The following KASH5 variants were observed in gnomAD, a reference collection of about 807,000 sequenced individuals.
The protein encoded by KASH5 is KASH domain containing 5, also known as protein KASH5.
Under a neutral mutation model 84.2 loss-of-function variants are expected in KASH5, and 72 were observed. The observed-to-expected ratio is 0.85, with a 90% CI of 0.71 to 1.04. KASH5 has a LOEUF of 1.04. KASH5 is among the 50% of genes least tolerant of loss of function. The pLI is 0.00. For missense variants in KASH5, 650 were observed against 701.0 expected, an observed-to-expected ratio of 0.93 and a Z score of 0.82; for synonymous variants, 260 against 279.1, an observed-to-expected ratio of 0.93 and a Z score of 0.68.
At chr19:49,392,228 A>G (rs1974025305) in intron 2 of KASH5, among the ~76,000 whole-genome samples, 1 of 152,152 alleles carries the variant, frequency 6.6e-6, no homozygotes, top group Non-Finnish European at 1.5e-5. Context: ...TAGGGAATGG[A>G]GAGTCTCTGA....
intron 9 of KASH5, among the ~76,000 whole-genome samples, chr19:49,402,557 A>C (rs1974395194): frequency 6.6e-6 from 1 of 151,900 alleles, no homozygotes; most frequent in Admixed American, 6.6e-5. Context: ...AAATATAAAA[A>C]TTAGCCAGGC....
In KASH5 at chr19:49,412,018, G is replaced by A. The variant is rs371596416; in HGVS notation, c.1270-950G>A. ...GAGGCACTAGCACAGCCTGTGCAAG[G>A]CCTTGGCATAAAATCACGATATGCT... On this transcript the variant is annotated intron_variant, in intron 15 of 19. Coordinates refer to ENST00000447857, the MANE Select transcript of KASH5 (RefSeq NM_144688.5). The surrounding 1 kb of genome is among the most constrained non-coding windows in gnomAD (Gnocchi z 4.6). 5.3e-5 allele frequency among the ~76,000 whole-genome samples: 8 copies of A among 152,212 alleles called. No homozygotes were observed. Among genetic ancestry groups the A allele is most frequent in the South Asian group, 2.1e-4 (1 of 4,820 alleles).
At position 49,409,886 on chromosome 19, in the gene KASH5, G is replaced by A; in HGVS notation, c.1269+11G>A. The A allele has an allele frequency of 6.2e-7, 1 of 1,612,614 alleles. No individual in the cohort carries two copies. The highest frequency in any genetic ancestry group is 1.1e-5 in the South Asian group (1 of 90,984). ...CCAGCTGGGGGACAGGTGAGCACAGGAAAAGCTCTGAAGTCCAGGAGCTGG... is the reference window on the plus strand; with the variant it reads ...CCAGCTGGGGGACAGGTGAGCACAGAAAAAGCTCTGAAGTCCAGGAGCTGG... On this transcript the variant is annotated intron_variant, in intron 15 of 19. Coordinates refer to ENST00000447857, the MANE Select transcript of KASH5 (RefSeq NM_144688.5).
At chr19:49,406,834 T>TTTGACATTAC in intron 9 of KASH5, 52 bp from the exon 10 acceptor site, 1 of 1,510,278 alleles carries the variant, frequency 6.6e-7, no homozygotes, top group Non-Finnish European at 9.1e-7. Context: ...TGCTGTTAAT[T>TTTGACATTAC]TTGACATTAC....
chr19:49,409,010 A>G lies in KASH5; in HGVS notation c.1037A>G (p.Gln346Arg). Residue 346 changes from glutamine to arginine, a missense_variant, in exon 13 of 20, where the codon CAG (glutamine) becomes CGG (arginine). Transcript: ENST00000447857. ...EISRLEEQLS[Q>R]TYEGPDELPE... ...TCACGCCTGGAGGAGCAGCTGAGTC[A>G]GACCTATGAGGGGCCCGATGAGTGA... is the stretch of plus-strand genomic sequence containing the variant. The G allele has an allele frequency of 6.3e-7, 1 of 1,593,702 alleles. No homozygotes were observed. The highest frequency in any genetic ancestry group is 2.3e-5 in the East Asian group (1 of 44,118).
chr19:49,415,832 T>C (rs770082859), intron 17 of KASH5, among the ~76,000 whole-genome samples: 1 of 152,182 alleles, frequency 6.6e-6, no homozygotes, highest in African/African-American at 2.4e-5. Flanking sequence ...CAGCAGGTGG[T>C]AGAGGTGAAG....
rs1412596218 is a variant in KASH5 at position 49,414,664 on chromosome 19, A to C, written c.1329-287A>C. 2.6e-5 allele frequency among the ~76,000 whole-genome samples: 4 copies of C among 151,526 alleles called. No individual in the cohort carries two copies. Among genetic ancestry groups the C allele is most frequent in the Non-Finnish European group, 5.9e-5 (4 of 67,892 alleles). On this transcript the variant is annotated intron_variant, in intron 16 of 19. Coordinates refer to ENST00000447857, the MANE Select transcript of KASH5 (RefSeq NM_144688.5). The surrounding 1 kb of genome is among the most constrained non-coding windows in gnomAD (Gnocchi z 4.5). ...GTGAAAATTCCTGTGAAAAATACATATGCAGGACACCCCCCAGGCCCGTCC... is the reference window on the plus strand; with the variant it reads ...GTGAAAATTCCTGTGAAAAATACATCTGCAGGACACCCCCCAGGCCCGTCC...
chr19:49,396,025 G>T (rs1054270270), intron 5 of KASH5, among the ~76,000 whole-genome samples, 192 bp downstream of exon 5: 9 of 151,998 alleles, frequency 5.9e-5, no homozygotes, highest in African/African-American at 2.2e-4. Flanking sequence ...TTCAGAGGGT[G>T]GTTTCCAACT....
At chr19:49,415,017 C>A (rs370044399) in intron 17 of KASH5, 21 bp downstream of exon 17, 6 of 1,604,874 alleles carry the variant, frequency 3.7e-6, no homozygotes, top group Admixed American at 1.7e-5. Context: ...CCCAGCACCC[C>A]TCCCCAGTCC....
chr19:49,406,881 T>G lies in KASH5; in HGVS notation c.799-5T>G. ...ATGAACGTGACCAGCCATTCCTTCT[T>G]CTAGAACGGGAAGCTGCTTGCCGAG... On this transcript the variant is annotated splice_polypyrimidine_tract_variant and splice_region_variant and intron_variant, in intron 9 of 19. Transcript: ENST00000447857. The G allele has an allele frequency of 6.2e-7, 1 of 1,603,476 alleles. No homozygotes were observed. Among genetic ancestry groups the G allele is most frequent in the Non-Finnish European group, 8.5e-7 (1 of 1,175,014 alleles).
intron 15 of KASH5, among the ~76,000 whole-genome samples, chr19:49,411,941 AAGGAAGG>A (rs1323269441): frequency 2.7e-5 from 4 of 147,888 alleles, no homozygotes; most frequent in Non-Finnish European, 1.5e-5. Context: ...GGAAGGAAGG[AAGGAAGG>A]AAGGAAGGAA....
At position 49,417,836 on chromosome 19, in the gene KASH5, A is replaced by G; in HGVS notation, c.*326A>G. 1 of 280,200 alleles carries G rather than the reference A, an allele frequency of 3.6e-6. No individual in the cohort carries two copies. Among genetic ancestry groups the G allele is most frequent in the Non-Finnish European group, 6.6e-6 (1 of 150,796 alleles). 17.4% of individuals were successfully genotyped at this position (280,200 alleles called of 1,614,324 possible). On this transcript the variant is annotated 3_prime_UTR_variant, in exon 20 of 20. Coordinates refer to ENST00000447857, the MANE Select transcript of KASH5 (RefSeq NM_144688.5). This position sits in a 1 kb window ranked among gnomAD's most constrained non-coding sequence, Gnocchi z 5.2. ...CAGTGATTCTCCTGTCCCCTCCCTC[A>G]TGCTCAGGAGTTGGCAGTTGTAGCT...
intron 2 of KASH5, among the ~76,000 whole-genome samples, 176 bp from the exon 3 acceptor site, chr19:49,394,300 A>G (rs1450486250): frequency 6.6e-6 from 1 of 151,938 alleles, no homozygotes; most frequent in East Asian, 1.9e-4. Context: ...TAACTCAGAG[A>G]CCCTCACATT....
At chr19:49,398,248 C>G (rs1409234427) in intron 7 of KASH5, 105 bp downstream of exon 7, 3 of 946,860 alleles carry the variant, frequency 3.2e-6, no homozygotes, top group Non-Finnish European at 4.6e-6. Flanking sequence ...TGCTCTTTGA[C>G]TCTGTACCTG....
chr19:49,411,971 G>A (rs565412287), intron 15 of KASH5, among the ~76,000 whole-genome samples: 152 of 134,114 alleles, frequency 1.1e-3, no homozygotes, highest in Middle Eastern at 4.0e-3. Context: ...AAGGAAGGAA[G>A]GAAAGAAGGA....
intron 9 of KASH5, among the ~76,000 whole-genome samples, chr19:49,404,592 C>T (rs1034797002): frequency 6.6e-6 from 1 of 152,178 alleles, no homozygotes; most frequent in Non-Finnish European, 1.5e-5. Context: ...ACCTCTAGAG[C>T]CTAATTCCCT....
At chr19:49,394,436 A>G in intron 2 of KASH5, 40 bp from the exon 3 acceptor site, 1 of 1,536,414 alleles carries the variant, frequency 6.5e-7, no homozygotes, top group Non-Finnish European at 9.0e-7. Context: ...TTCCTTCCTT[A>G]TTCTTCCCAC....
At chr19:49,415,314 C>T in intron 17 of KASH5, 2 of 432,222 alleles carry the variant, frequency 4.6e-6, no homozygotes, top group Non-Finnish European at 8.6e-6. Flanking sequence ...TGCACACGCA[C>T]ATGCGCCCAC....
rs776046916 is a variant in KASH5, at chr19:49,412,427, C to T, written c.1270-541C>T. Reference sequence around the variant, plus strand: ...AATCTTGAGGGATGTCTGGGGGCTGCCTGGAAGAGTTGGGTGCACCATCCT... The same window carrying T: ...AATCTTGAGGGATGTCTGGGGGCTGTCTGGAAGAGTTGGGTGCACCATCCT... On this transcript the variant is annotated intron_variant, in intron 15 of 19. Transcript: ENST00000447857. The surrounding 1 kb of genome is among the most constrained non-coding windows in gnomAD (Gnocchi z 4.6). Among the ~76,000 whole-genome samples the T allele has an allele frequency of 2.6e-5, 4 of 151,950 alleles. No homozygotes were observed. The highest frequency in any genetic ancestry group is 5.9e-5 in the Non-Finnish European group (4 of 67,950).
Sources: allele counts gnomAD v4.1 joint callset (sites outside exome capture counted in the v4.1 genomes callset), GRCh38; gene constraint gnomAD v4.1.1; non-coding constraint Gnocchi (gnomAD v3.1); transcripts MANE v1.5; gene names NCBI Gene and HGNC (gene_info 2026-07-23, HGNC 2026-07-21).